The following HCN1 variants were observed in gnomAD, a reference collection of about 807,000 sequenced individuals.
The protein encoded by HCN1 is hyperpolarization activated cyclic nucleotide gated potassium channel 1.
Under a neutral mutation model 78.9 loss-of-function variants are expected in HCN1, and 13 were observed. That is an observed-to-expected ratio of 0.16 (90% CI 0.11 to 0.26). The LOEUF is 0.26. Ranked by LOEUF, HCN1 falls within the 10% of genes least tolerant of loss-of-function variation. HCN1 has a pLI of 1.00. For missense variants in HCN1, 810 were observed against 1,154.3 expected (o/e 0.70, Z 4.32); for synonymous variants, 552 against 455.5 (o/e 1.21, Z -2.70).
chr5:45,372,123 T>A (rs1181088513), intron 4 of HCN1, among the ~76,000 whole-genome samples: 2 of 50,362 alleles, frequency 4.0e-5, no homozygotes, highest in African/African-American at 1.2e-4. Context: ...AATTATATAT[T>A]ATATATATAA....
chr5:45,442,819 T>A (rs1740706136), intron 3 of HCN1, among the ~76,000 whole-genome samples: 1 of 152,096 alleles, frequency 6.6e-6, no homozygotes, highest in South Asian at 2.1e-4. Context: ...ATCTATATTA[T>A]GAGAATGGCT....
intron 1 of HCN1, among the ~76,000 whole-genome samples, chr5:45,676,558 G>A (rs1746271444): frequency 6.6e-6 from 1 of 151,570 alleles, no homozygotes; most frequent in South Asian, 2.1e-4. Flanking sequence ...GATAATGGAA[G>A]GAAACTAAAT....
intron 2 of HCN1, among the ~76,000 whole-genome samples, chr5:45,538,146 A>G (rs573047664): frequency 6.6e-6 from 1 of 152,298 alleles, no homozygotes; most frequent in African/African-American, 2.4e-5. Flanking sequence ...GTGAGCTTTC[A>G]AAATCCAAAT....
chr5:45,586,013 T>C (rs1027168084), intron 2 of HCN1, among the ~76,000 whole-genome samples: 1 of 152,156 alleles, frequency 6.6e-6, no homozygotes, highest in African/African-American at 2.4e-5. Context: ...TCTCAGATCT[T>C]CAGCTGCATG....
At chr5:45,508,631 G>GA (rs1188055046) in intron 2 of HCN1, among the ~76,000 whole-genome samples, 3 of 151,876 alleles carry the variant, frequency 2.0e-5, no homozygotes, top group East Asian at 1.9e-4. Context: ...CACTCTCAAT[G>GA]AAAAAAACTG....
intron 2 of HCN1, among the ~76,000 whole-genome samples, chr5:45,566,789 T>C (rs916888589): frequency 6.6e-6 from 1 of 152,206 alleles, no homozygotes; most frequent in Non-Finnish European, 1.5e-5. Flanking sequence ...GGTTCCTCCC[T>C]ATGAGGAAAA....
chr5:45,283,114 G>C (rs1745201510), intron 6 of HCN1, among the ~76,000 whole-genome samples: 1 of 152,090 alleles, frequency 6.6e-6, no homozygotes, highest in South Asian at 2.1e-4. Context: ...AATATACTTT[G>C]ATAGCATGTT....
chr5:45,321,998 G>T (rs910022106), intron 5 of HCN1, among the ~76,000 whole-genome samples: 2 of 151,674 alleles, frequency 1.3e-5, no homozygotes, highest in African/African-American at 2.4e-5. Context: ...TAGTGTAAAA[G>T]GTAAATATGG....
chr5:45,310,221 A>G (rs1024710619), intron 5 of HCN1, among the ~76,000 whole-genome samples: 1 of 152,198 alleles, frequency 6.6e-6, no homozygotes, highest in African/African-American at 2.4e-5. Flanking sequence ...CAACAGAGTA[A>G]ACAGACAACC....
At chr5:45,350,331 A>C (rs1044984247) in intron 5 of HCN1, among the ~76,000 whole-genome samples, 1 of 152,206 alleles carries the variant, frequency 6.6e-6, no homozygotes, top group Non-Finnish European at 1.5e-5. Context: ...ACAACTCTTC[A>C]TGCTAAAAAC....
chr5:45,652,920 T>A (rs1380832066), intron 1 of HCN1, among the ~76,000 whole-genome samples: 2 of 152,032 alleles, frequency 1.3e-5, no homozygotes, highest in Non-Finnish European at 2.9e-5. Context: ...ATTGTCATCA[T>A]CCTGGATGAA....
chr5:45,293,151 T>C (rs1179613807), intron 6 of HCN1, among the ~76,000 whole-genome samples: 1 of 152,004 alleles, frequency 6.6e-6, no homozygotes, highest in African/African-American at 2.4e-5. Context: ...TTTCTGTCTT[T>C]AGGTCTTTGA....
At chr5:45,538,220 A>G (rs1039339391) in intron 2 of HCN1, among the ~76,000 whole-genome samples, 1 of 152,164 alleles carries the variant, frequency 6.6e-6, no homozygotes, top group Non-Finnish European at 1.5e-5. Flanking sequence ...TATTAAATTC[A>G]TACTTTTAGT....
chr5:45,623,201 T>C (rs1323233917), intron 2 of HCN1, among the ~76,000 whole-genome samples: 1 of 152,254 alleles, frequency 6.6e-6, no homozygotes, highest in African/African-American at 2.4e-5. Flanking sequence ...TTATGTTAAA[T>C]TGTAGGATCC....
At chr5:45,352,314 G>C (rs988532519) in intron 5 of HCN1, among the ~76,000 whole-genome samples, 1 of 150,906 alleles carries the variant, frequency 6.6e-6, no homozygotes, top group Non-Finnish European at 1.5e-5. Context: ...TCATAGGTGG[G>C]AATTGAACAA....
At chr5:45,319,776 T>C (rs562476479) in intron 5 of HCN1, among the ~76,000 whole-genome samples, 1 of 151,910 alleles carries the variant, frequency 6.6e-6, no homozygotes, top group South Asian at 2.1e-4. Flanking sequence ...TTTATGTTAA[T>C]CACAAATCTG....
chr5:45,374,169 TAA>T lies in HCN1; in HGVS notation c.1231-20925_1231-20924del, dbSNP rs1491430041. On this transcript the variant is annotated intron_variant, in intron 4 of 7. Transcript: ENST00000303230. ...TTATATATAATATACATTATATACA[TAA>T]TATATATTATATATTATATACATTA... 6.8e-5 allele frequency among the ~76,000 whole-genome samples: 7 copies of T among 102,378 alleles called. No individual in the cohort carries two copies. In the Admixed American group the frequency reaches 7.8e-4, roughly 11 times the overall value. 67.2% of individuals were successfully genotyped at this position (102,378 alleles called of 152,430 possible). A position where few individuals can be genotyped will look rare whatever the true frequency, so the allele number is the denominator to read the frequency against.
chr5:45,679,987 T>C (rs1739674402), intron 1 of HCN1, among the ~76,000 whole-genome samples: 2 of 152,040 alleles, frequency 1.3e-5, no homozygotes, highest in Non-Finnish European at 2.9e-5. Context: ...AACTAGATGG[T>C]TAAAGGACAC....
Position 45,696,224 on chromosome 5 carries a change from C to T in HCN1, c.-131G>A. The stretch of plus-strand genomic sequence containing the variant: ...GCCCAGCTGCCCGTCGCGGCGGCGG[C>T]GGCGGCGGCGGCGGCTGCTGCTTCC... On this transcript the variant is annotated 5_prime_UTR_variant, in exon 1 of 8. Transcript: ENST00000303230. 4.2e-6 allele frequency: 1 copy of T among 240,880 alleles called. No homozygotes were observed. The highest frequency in any genetic ancestry group is 6.8e-6 in the Non-Finnish European group (1 of 147,672). The allele number at this position is 240,880 out of a possible 1,614,324, so 14.9% of individuals were successfully genotyped here.
Sources: allele counts gnomAD v4.1 joint callset (sites outside exome capture counted in the v4.1 genomes callset), GRCh38; gene constraint gnomAD v4.1.1; transcripts MANE v1.5; gene names NCBI Gene and HGNC (gene_info 2026-07-23, HGNC 2026-07-21).